CTDP1: variants seen among roughly 807,000 people sequenced by gnomAD.
CTDP1 encodes the protein CTD phosphatase 1, also known as RNA polymerase II subunit A C-terminal domain phosphatase.
In CTDP1, 47 loss-of-function variants were observed where a neutral mutation model predicts 91.8. The ratio of observed to expected loss-of-function variants is 0.51; its 90% CI spans 0.41 to 0.65. The LOEUF (loss-of-function observed/expected upper bound fraction) is 0.65. CTDP1 is among the 30% of genes least tolerant of loss of function. The pLI is 0.00. For missense variants in CTDP1, 1,272 were observed against 1,373.7 expected, an observed-to-expected ratio of 0.93 and a Z score of 1.17; for synonymous variants, 656 against 598.5, an observed-to-expected ratio of 1.10 and a Z score of -1.40.
chr18:79,718,162 C>CAG, intron 10 of CTDP1, 146 bp downstream of exon 10: 1 of 940,514 alleles, frequency 1.1e-6, no homozygotes, highest in Non-Finnish European at 1.6e-6. Context: ...CTTGTGGGAG[C>CAG]GCCGCCCCCG....
At chr18:79,745,265 G>A (rs1436061694) in intron 12 of CTDP1, among the ~76,000 whole-genome samples, 6 of 134,420 alleles carry the variant, frequency 4.5e-5, no homozygotes, top group East Asian at 2.3e-4. Flanking sequence ...CTGTCCCTGC[G>A]TCCCTCCCGT....
intron 1 of CTDP1, chr18:79,680,707 C>T (rs999281434): frequency 6.5e-6 from 1 of 154,080 alleles, no homozygotes; most frequent in Non-Finnish European, 1.4e-5. Context: ...AGTTGTAAAA[C>T]CTGGTGCAGT....
At chr18:79,709,757 A>G (rs1016684299) in intron 5 of CTDP1, among the ~76,000 whole-genome samples, 2 of 152,218 alleles carry the variant, frequency 1.3e-5, no homozygotes, top group Non-Finnish European at 2.9e-5. Context: ...TAAAACGTGT[A>G]TAATAGTTAG....
intron 12 of CTDP1, among the ~76,000 whole-genome samples, chr18:79,737,287 C>A (rs2086689377): frequency 6.6e-6 from 1 of 152,224 alleles, no homozygotes; most frequent in Admixed American, 6.5e-5. Flanking sequence ...AGAGATGTTA[C>A]TATTGTGCAG....
intron 12 of CTDP1, among the ~76,000 whole-genome samples, chr18:79,741,021 C>G (rs1280728082): frequency 6.8e-6 from 1 of 146,446 alleles, no homozygotes; most frequent in African/African-American, 2.5e-5. Flanking sequence ...TCCCTGAGGT[C>G]CCCCGTGCGG....
chr18:79,739,880 TCTCATACCCA>T (rs1568215740), intron 12 of CTDP1, among the ~76,000 whole-genome samples: 21 of 3,550 alleles, frequency 5.9e-3, no homozygotes, highest in South Asian at 0.024. Context: ...CGGGTGGGAC[TCTCATACCCA>T]CGGCCGGGAC....
Position 79,696,079 on chromosome 18 carries a change from G to C in CTDP1, c.492+9G>C, listed in dbSNP as rs1327364878. ...TGATGGTGAGCTCCGAGGTGAGCCG[G>C]GCATCAGTGGCGGCGTGTTGGGGAA... On this transcript the variant is annotated intron_variant, in intron 3 of 12. Transcript: ENST00000613122. The C allele has an allele frequency of 6.2e-7, 1 of 1,609,130 alleles. No individual in the cohort carries two copies. The highest frequency in any genetic ancestry group is 1.7e-5 in the Admixed American group (1 of 59,972).
At chr18:79,727,358 A>G (rs561538695) in intron 10 of CTDP1, among the ~76,000 whole-genome samples, 1 of 152,234 alleles carries the variant, frequency 6.6e-6, no homozygotes, top group African/African-American at 2.4e-5. Flanking sequence ...CGGGATGGGA[A>G]GCGTGGCGTT....
chr18:79,725,675 C>T (rs956407830), intron 10 of CTDP1, among the ~76,000 whole-genome samples: 1 of 152,086 alleles, frequency 6.6e-6, no homozygotes, highest in African/African-American at 2.4e-5. Flanking sequence ...CTGCTTCCGT[C>T]CTCACGGGAG....
At chr18:79,745,342 TGC>T (rs2086863756) in intron 12 of CTDP1, among the ~76,000 whole-genome samples, 1 of 90,806 alleles carries the variant, frequency 1.1e-5, no homozygotes, top group Non-Finnish European at 2.1e-5. Context: ...GCGCGTTCTG[TGC>T]CCGCGTCCCT....
chr18:79,755,941 T>TC (rs35411592), downstream of CTDP1: 141,817 of 152,328 alleles, frequency 0.93, 66,802 homozygotes, highest in East Asian at 1. Context: ...CCCTGGGTGT[T>TC]CGCCTGTTCT....
chr18:79,756,526 G>A (rs1435431734), downstream of CTDP1: 1 of 152,242 alleles, frequency 6.6e-6, no homozygotes, highest in Admixed American at 6.5e-5. Context: ...TTTATGAAAT[G>A]TTCTGTGCTA....
rs1243630987 is a variant in CTDP1 at position 79,679,853 on chromosome 18, C to CA, written c.-94dup. 3 of 1,190,658 alleles carry CA rather than the reference C, an allele frequency of 2.5e-6. No individual in the cohort carries two copies. In the African/African-American group the frequency reaches 4.9e-5, roughly 19 times the overall value. The allele number at this position is 1,190,658 out of a possible 1,614,324, so 73.8% of individuals were successfully genotyped here. On this transcript the variant is annotated 5_prime_UTR_variant, in exon 1 of 13. Transcript: ENST00000613122. ...TGGAAGCCGGTACCGAGAGGAACTA[C>CA]AGCGTCGCCGCCTGGGTTGTGTCGC...
rs3833180 is a variant in CTDP1 at position 79,715,187 on chromosome 18, T to TGGAGGA, written c.1743_1748dup (p.Glu581_Glu582dup). The stretch of plus-strand genomic sequence containing the variant: ...GCGGGTGAGTCCCTGGACCAGAGCA[T>TGGAGGA]GGAGGAGGAGGAGGAGGAGGACACG... On this transcript the variant is annotated inframe_insertion, in exon 8 of 13. Transcript: ENST00000613122. 55 of 1,610,360 alleles carry TGGAGGA rather than the reference T, an allele frequency of 3.4e-5. No homozygotes were observed. The highest frequency in any genetic ancestry group is 3.3e-4 in the South Asian group (30 of 90,626).
intron 10 of CTDP1, among the ~76,000 whole-genome samples, chr18:79,726,832 GGA>G (rs2086454509): frequency 7.2e-6 from 1 of 139,194 alleles, no homozygotes; most frequent in East Asian, 2.1e-4. Context: ...CGGCTGTGGG[GGA>G]TGGGGGTGAC....
chr18:79,689,112 G>A (rs1308562655), intron 1 of CTDP1, among the ~76,000 whole-genome samples: 1 of 152,154 alleles, frequency 6.6e-6, no homozygotes, highest in Non-Finnish European at 1.5e-5. Context: ...ACAAAAGCAA[G>A]CCCTGGACCC....
intron 10 of CTDP1, among the ~76,000 whole-genome samples, chr18:79,723,966 G>C (rs979877025): frequency 6.6e-6 from 1 of 152,228 alleles, no homozygotes; most frequent in African/African-American, 2.4e-5. Context: ...ATGGTGTGTG[G>C]TGGAGCCAAC....
intron 10 of CTDP1, among the ~76,000 whole-genome samples, chr18:79,719,674 G>A (rs2086294031): frequency 2.7e-5 from 4 of 149,066 alleles, no homozygotes; most frequent in African/African-American, 9.9e-5. Flanking sequence ...CCATCATTAG[G>A]AAAGCGTCCT....
intron 12 of CTDP1, among the ~76,000 whole-genome samples, chr18:79,739,037 T>G (rs1416273465): frequency 6.6e-6 from 1 of 152,168 alleles, no homozygotes; most frequent in African/African-American, 2.4e-5. Flanking sequence ...GGCGGTGCAC[T>G]GGGGGCCTCT....
Sources: allele counts gnomAD v4.1 joint callset (sites outside exome capture counted in the v4.1 genomes callset), GRCh38; gene constraint gnomAD v4.1.1; transcripts MANE v1.5; gene names NCBI Gene and HGNC (gene_info 2026-07-23, HGNC 2026-07-21).